ERICH6: variants seen among roughly 807,000 people sequenced by gnomAD.
ERICH6 encodes the protein glutamate-rich protein 6.
ERICH6 carries 71 observed loss-of-function variants against 71.0 expected under a neutral mutation model. The observed-to-expected ratio is 1.00, with a 90% CI of 0.83 to 1.22. The LOEUF (loss-of-function observed/expected upper bound fraction) is 1.22. Among genes scored for constraint, ERICH6 ranks in the 50% most tolerant of loss-of-function variants. The probability of loss-of-function intolerance (pLI) is 0.00; values close to 1 mark genes in which losing one functional copy is unlikely to be tolerated. For synonymous variants in ERICH6, 262 were observed against 278.4 expected, an observed-to-expected ratio of 0.94 and a Z score of 0.59; for missense variants, 808 against 797.2, an observed-to-expected ratio of 1.01 and a Z score of -0.16.
At chr3:150,661,090 G>A (rs1199425075) in intron 13 of ERICH6, among the ~76,000 whole-genome samples, 1 of 152,166 alleles carries the variant, frequency 6.6e-6, no homozygotes, top group Non-Finnish European at 1.5e-5. Context: ...CTTGTTTCCA[G>A]CGGGGTTGGA....
intron 6 of ERICH6, among the ~76,000 whole-genome samples, chr3:150,684,664 A>C (rs1042626438): frequency 3.3e-5 from 5 of 152,324 alleles, no homozygotes; most frequent in East Asian, 1.9e-4. Flanking sequence ...GTGGTGCACC[A>C]TCTTATTGGA....
intron 10 of ERICH6, among the ~76,000 whole-genome samples, chr3:150,676,152 T>C (rs1711645049): frequency 6.6e-6 from 1 of 152,062 alleles, no homozygotes; most frequent in African/African-American, 2.4e-5. Context: ...ATAATGAGTT[T>C]TGATATTTTT....
Position 150,674,963 on chromosome 3 carries a change from T to C in ERICH6, c.1258-922A>G, listed in dbSNP as rs892801939. 2.6e-5 allele frequency among the ~76,000 whole-genome samples: 4 copies of C among 152,088 alleles called. No individual in the cohort carries two copies. The East Asian group carries it at 7.7e-4, about 29-fold the overall frequency. ...GCCTGGCCAACATGGTGAAACCCTGTCTTCACTAAACATAGAAAAATTAGT... is the reference window on the plus strand; with the variant it reads ...GCCTGGCCAACATGGTGAAACCCTGCCTTCACTAAACATAGAAAAATTAGT... On this transcript the variant is annotated intron_variant, in intron 10 of 13. Transcript: ENST00000295910.
chr3:150,682,832 T>C lies in ERICH6; in HGVS notation c.784-516A>G, dbSNP rs554111868. On this transcript the variant is annotated intron_variant, in intron 6 of 13. Transcript: ENST00000295910. ...CTAAAATAAATGAGAATCCTTTCTC[T>C]GGGGAGCCTAGGTTGGAGCTCTGAA... is the stretch of plus-strand genomic sequence containing the variant. 2.1e-4 allele frequency among the ~76,000 whole-genome samples: 32 copies of C among 152,330 alleles called. 1 individual carries two copies. The South Asian group carries it at 6.6e-3, about 32-fold the overall frequency.
At chr3:150,669,959 C>A (rs775016459) in intron 11 of ERICH6, among the ~76,000 whole-genome samples, 3 of 151,860 alleles carry the variant, frequency 2.0e-5, no homozygotes, top group Non-Finnish European at 2.9e-5. Context: ...TTACGGAGGC[C>A]AAGGCAGGAG....
chr3:150,663,947 A>T (rs1165760304), intron 13 of ERICH6, among the ~76,000 whole-genome samples: 1 of 152,194 alleles, frequency 6.6e-6, no homozygotes, highest in Non-Finnish European at 1.5e-5. Context: ...ATCTGATAAT[A>T]TAATCAGATA....
intron 3 of ERICH6, among the ~76,000 whole-genome samples, chr3:150,694,642 C>A (rs910015472): frequency 2.8e-4 from 42 of 152,286 alleles, no homozygotes; most frequent in African/African-American, 9.6e-4. Flanking sequence ...CCCTCAAAAT[C>A]ATCTTTGGAG....
At chr3:150,686,522 C>G (rs572842169) in intron 3 of ERICH6, among the ~76,000 whole-genome samples, 168 bp from the exon 4 acceptor site, 25 of 152,230 alleles carry the variant, frequency 1.6e-4, no homozygotes, top group African/African-American at 5.8e-4. Context: ...AAGGAATAAA[C>G]AAAGGAAAGT....
chr3:150,686,324 G>T lies in ERICH6; in HGVS notation c.584C>A (p.Pro195His), dbSNP rs750834382. 5 of 1,614,130 alleles carry T rather than the reference G, an allele frequency of 3.1e-6. No homozygotes were observed. The Admixed American group carries it at 8.3e-5, about 27-fold the overall frequency. The change falls in exon 4 of 14, where the codon CCT becomes CAT. Residue 195 changes from proline to histidine, a missense_variant. Physicochemically the swap from Pro to His is moderately conservative, Grantham distance 77 (BLOSUM62 -2). Coordinates refer to ENST00000295910, the MANE Select transcript of ERICH6 (RefSeq NM_152394.5). Reference sequence around the variant, plus strand: ...TCTTAACTTAGATGCCAGACATTCAGGTTCAGCTTTCTCTTTAGAGGCTTT... The same window carrying T: ...TCTTAACTTAGATGCCAGACATTCATGTTCAGCTTTCTCTTTAGAGGCTTT... ...RKKASKEKAE[P>H]ECLASKLREK... is the part of the protein sequence containing the mutation.
At position 150,703,581 on chromosome 3, in the gene ERICH6, C is replaced by A; in HGVS notation, c.318G>T (p.Leu106=). 1 of 1,613,894 alleles carries A rather than the reference C, an allele frequency of 6.2e-7. No homozygotes were observed. The change falls in exon 1 of 14, where the codon CTG becomes CTT. Residue 106 remains leucine (L), a synonymous_variant. Coordinates refer to ENST00000295910, the MANE Select transcript of ERICH6 (RefSeq NM_152394.5). ...TCTGGCTGGGCACGAACGTAGAGGT[C>A]AGGCTAGGGCTGACGATGCTGGCTA... ...PRLASIVSPS[L]TSTFVPSQSA...
At chr3:150,665,004 G>A (rs983510592) in intron 13 of ERICH6, among the ~76,000 whole-genome samples, 1 of 152,018 alleles carries the variant, frequency 6.6e-6, no homozygotes, top group Non-Finnish European at 1.5e-5. Context: ...GCAGGGGTGG[G>A]GGAAGGAAGT....
intron 11 of ERICH6, among the ~76,000 whole-genome samples, chr3:150,673,659 G>A (rs1711544504): frequency 6.6e-6 from 1 of 152,160 alleles, no homozygotes; most frequent in African/African-American, 2.4e-5. Flanking sequence ...CACAATCTCA[G>A]TTCACTGCAG....
chr3:150,694,548 C>A (rs1300450527), intron 3 of ERICH6, among the ~76,000 whole-genome samples: 1 of 152,138 alleles, frequency 6.6e-6, no homozygotes, highest in Non-Finnish European at 1.5e-5. Context: ...ATTCCCCTAC[C>A]TGCTCGTTTT....
chr3:150,678,465 G>A lies in ERICH6; in HGVS notation c.1201C>T (p.Leu401=), dbSNP rs1711747974. The change falls in exon 10 of 14, where the codon CTA becomes TTA. Residue 401 remains leucine, a synonymous_variant. Transcript: ENST00000295910. ...IIDDIVFDFQ[L]RNSNMSIICC... ...ATGATAGACATGTTACTGTTTCTTAGTTGAAAATCAAATACAATGTCATCA... is the reference window on the plus strand; with the variant it reads ...ATGATAGACATGTTACTGTTTCTTAATTGAAAATCAAATACAATGTCATCA... 1 of 1,603,934 alleles carries A rather than the reference G, an allele frequency of 6.2e-7. No individual in the cohort carries two copies. The highest frequency in any genetic ancestry group is 1.3e-5 in the African/African-American group (1 of 74,462).
chr3:150,673,934 A>C, intron 11 of ERICH6, 22 bp downstream of exon 11: 2 of 1,606,488 alleles, frequency 1.2e-6, no homozygotes, highest in Non-Finnish European at 1.7e-6. Flanking sequence ...GCTAATAAAA[A>C]TAACTTGTTG....
chr3:150,685,935 T>G, intron 5 of ERICH6, 31 bp downstream of exon 5: 2 of 1,597,504 alleles, frequency 1.3e-6, no homozygotes, highest in Non-Finnish European at 1.7e-6. Context: ...ATGAGAACAG[T>G]GTACTAGTTA....
intron 6 of ERICH6, among the ~76,000 whole-genome samples, chr3:150,683,878 A>G (rs1712070590): frequency 6.6e-6 from 1 of 152,194 alleles, no homozygotes; most frequent in African/African-American, 2.4e-5. Context: ...CCTGAACTAG[A>G]TTGGCATCAT....
In ERICH6 at chr3:150,686,289, T is replaced by C. The variant is rs576469637; in HGVS notation, c.610+9A>G. 144 of 1,613,972 alleles carry C rather than the reference T, an allele frequency of 8.9e-5. 3 individuals are homozygous for C. The South Asian group carries it at 1.5e-3, about 17-fold the overall frequency. On this transcript the variant is annotated intron_variant, in intron 4 of 13. Transcript: ENST00000295910. Reference sequence around the variant, plus strand: ...CAGCAAAAGGAGATGATGCCAAACATGTATTTACCTCTTAACTTAGATGCC... The same window carrying C: ...CAGCAAAAGGAGATGATGCCAAACACGTATTTACCTCTTAACTTAGATGCC...
At chr3:150,674,099 C>G in intron 10 of ERICH6, 58 bp from the exon 11 acceptor site, 1 of 1,403,842 alleles carries the variant, frequency 7.1e-7, no homozygotes, top group East Asian at 2.3e-5. Flanking sequence ...GTAGTAAGTA[C>G]GACAACAATG....
Sources: allele counts gnomAD v4.1 joint callset (sites outside exome capture counted in the v4.1 genomes callset), GRCh38; gene constraint gnomAD v4.1.1; transcripts MANE v1.5; gene names NCBI Gene and HGNC (gene_info 2026-07-23, HGNC 2026-07-21).